COA8: variants seen among roughly 807,000 people sequenced by gnomAD.
COA8 encodes cytochrome c oxidase assembly factor 8, also known as UPF0671 protein C14orf153.
A neutral mutation model predicts 22.0 loss-of-function variants in COA8; 20 were observed. The observed-to-expected ratio is 0.91, with a 90% confidence interval of 0.64 to 1.32. The LOEUF (loss-of-function observed/expected upper bound fraction) is 1.32, where lower values mean the gene tolerates loss of function less well. Ranked by LOEUF, COA8 falls within the 40% of genes most tolerant of loss-of-function variation. The pLI is 0.00. For synonymous variants in COA8, 105 were observed against 79.9 expected (o/e 1.31, Z -1.68); for missense variants, 266 against 230.0 (o/e 1.16, Z -1.01).
chr14:103,580,239 G>A (rs1190993904), intron 3 of COA8, among the ~76,000 whole-genome samples: 4 of 151,660 alleles, frequency 2.6e-5, no homozygotes, highest in African/African-American at 9.7e-5. Context: ...ACCATGCCTC[G>A]CTAATTTAAA....
At chr14:103,583,917 C>T (rs563971282) in intron 3 of COA8, among the ~76,000 whole-genome samples, 53 of 152,186 alleles carry the variant, frequency 3.5e-4, no homozygotes, top group Non-Finnish European at 6.5e-4. Context: ...TTACTCTTAG[C>T]GGTTTATTAT....
At chr14:103,582,577 G>A (rs1377370684) in intron 3 of COA8, among the ~76,000 whole-genome samples, 1 of 152,182 alleles carries the variant, frequency 6.6e-6, no homozygotes, top group African/African-American at 2.4e-5. Flanking sequence ...TGTAGCGGTG[G>A]CTCCCAGTTC....
chr14:103,577,793 G>C (rs998093262), intron 3 of COA8, among the ~76,000 whole-genome samples: 1 of 152,096 alleles, frequency 6.6e-6, no homozygotes, highest in Non-Finnish European at 1.5e-5. Flanking sequence ...GGGAGGCTGA[G>C]GCAGGCGGAT....
chr14:103,568,372 A>G (rs2076150849), intron 1 of COA8, among the ~76,000 whole-genome samples: 1 of 152,126 alleles, frequency 6.6e-6, no homozygotes, highest in African/African-American at 2.4e-5. Flanking sequence ...GCCAGCATGG[A>G]GAAGCCTGGT....
At position 103,581,420 on chromosome 14, in the gene COA8, C is replaced by T. The variant is rs10149249; in HGVS notation, c.386-5854C>T. 120,123 of 390,380 alleles carry T rather than the reference C, an allele frequency of 0.31. 19,667 individuals carry two copies. The highest frequency in any genetic ancestry group is 0.39 in the Middle Eastern group (597 of 1,542). The allele number at this position is 390,380 out of a possible 1,614,324, so 24.2% of individuals were successfully genotyped here. On this transcript the variant is annotated intron_variant, in intron 3 of 4. Transcript: ENST00000409074. This position sits in a 1 kb window ranked among gnomAD's most constrained non-coding sequence, Gnocchi z 4.1. ...GTAACTAACGAGTGGGGCGCGTCTACACTGTGGAGGTGCTGGACAGAGGGA... is the reference window on the plus strand; with the variant it reads ...GTAACTAACGAGTGGGGCGCGTCTATACTGTGGAGGTGCTGGACAGAGGGA...
At chr14:103,587,245 T>G in intron 3 of COA8, 29 bp from the exon 4 acceptor site, 1 of 1,591,958 alleles carries the variant, frequency 6.3e-7, no homozygotes, top group Non-Finnish European at 8.6e-7. Context: ...TCCTTAAGTC[T>G]TAATGTTTAA....
At chr14:103,566,607 T>C (rs573382735) in intron 1 of COA8, among the ~76,000 whole-genome samples, 4 of 152,352 alleles carry the variant, frequency 2.6e-5, no homozygotes, top group South Asian at 2.1e-4. Flanking sequence ...GAAATGAATG[T>C]GTGTGCCTCT....
Position 103,582,185 on chromosome 14 carries a change from C to T in COA8, c.386-5089C>T, listed in dbSNP as rs184272218. ...CTTACAAGAGACCTCACTTCCTGTT[C>T]GGGGACTGGGGCTGCTAAGTCAGAG... is the stretch of plus-strand genomic sequence containing the variant. On this transcript the variant is annotated intron_variant, in intron 3 of 4. Transcript: ENST00000409074. Among the ~76,000 whole-genome samples the T allele has an allele frequency of 1.5e-4, 23 of 152,266 alleles. No homozygotes were observed. The East Asian group carries it at 3.3e-3, about 22-fold the overall frequency.
In COA8 at chr14:103,571,816, G is replaced by C; in HGVS notation, c.317G>C (p.Ser106Thr). The stretch of plus-strand genomic sequence containing the variant: ...TGGGCAAACCAGAATTTGACTTTTA[G>C]TAAGGTAAGTTTAAGTTTTAGATCA... ...QFWANQNLTFSKEKEEFIHSR... is the reference protein window; with the variant it reads ...QFWANQNLTFTKEKEEFIHSR... Residue 106 changes from serine to threonine, a missense_variant, in exon 2 of 5, where the codon AGT becomes ACT. Coordinates refer to ENST00000409074, the MANE Select transcript of COA8 (RefSeq NM_001370595.2). 1 of 1,613,572 alleles carries C rather than the reference G, an allele frequency of 6.2e-7. No homozygotes were observed.
chr14:103,587,508 CTTTTT>C (rs368240107), intron 4 of COA8, 144 bp downstream of exon 4: 77 of 308,630 alleles, frequency 2.5e-4, no homozygotes, highest in Middle Eastern at 1.1e-3. Context: ...TTCTTTTTTT[CTTTTT>C]TTTTTTTTTT....
chr14:103,583,239 CTGAGT>C (rs1191547943), intron 3 of COA8, among the ~76,000 whole-genome samples: 1 of 152,028 alleles, frequency 6.6e-6, no homozygotes, highest in Non-Finnish European at 1.5e-5. Context: ...AGGTGAACTG[CTGAGT>C]TAAGAGTCTT....
rs1230287072 is a variant in COA8 at position 103,571,819 on chromosome 14, AG to A, written c.321+1del. The A allele has an allele frequency of 6.2e-7, 1 of 1,613,432 alleles. No individual in the cohort carries two copies. Among genetic ancestry groups the A allele is most frequent in the South Asian group, 1.1e-5 (1 of 91,054 alleles). ...FWANQNLTFSKEKEEFIHSRL... is the reference protein window; with the variant it reads ...FWANQNLTFSXEKEEFIHSRL... Reference sequence around the variant, plus strand: ...GCAAACCAGAATTTGACTTTTAGTAAGGTAAGTTTAAGTTTTAGATCAGAAC... The same window carrying A: ...GCAAACCAGAATTTGACTTTTAGTAAGTAAGTTTAAGTTTTAGATCAGAAC... On this transcript the variant is annotated frameshift_variant and splice_region_variant, in exon 2 of 5. Coordinates refer to ENST00000409074, the MANE Select transcript of COA8 (RefSeq NM_001370595.2). LOFTEE classifies it high-confidence loss of function.
In COA8 at chr14:103,587,321, G is replaced by A. The variant is rs562472810; in HGVS notation, c.433G>A (p.Glu145Lys). 109 of 1,613,194 alleles carry A rather than the reference G, an allele frequency of 6.8e-5. 2 individuals are homozygous for A. In the Middle Eastern group the frequency reaches 8.3e-4, roughly 12 times the overall value. Residue 145 changes from glutamate (E) to lysine (K), a missense_variant, in exon 4 of 5, where the codon GAA becomes AAA. Physicochemically the swap from Glu to Lys is moderately conservative, Grantham distance 56. Transcript: ENST00000409074. ...AGAAGAAATGGCGGACTTCTACAAG[G>A]AATTTTTAAGTAAAAATTTTCAGAA... ...NAEEMADFYK[E>K]FLSKNFQKHM...
chr14:103,583,277 C>T (rs975359916), intron 3 of COA8, among the ~76,000 whole-genome samples: 2 of 152,084 alleles, frequency 1.3e-5, no homozygotes, highest in Admixed American at 6.5e-5. Flanking sequence ...CGGTGGCTCA[C>T]GCCTGTAATC....
At chr14:103,583,368 G>C (rs779561000) in intron 3 of COA8, among the ~76,000 whole-genome samples, 1 of 151,448 alleles carries the variant, frequency 6.6e-6, no homozygotes, top group Non-Finnish European at 1.5e-5. Context: ...GGTGAAACCC[G>C]ATCTCTACTA....
At chr14:103,571,994 G>T (rs1595139709) in intron 2 of COA8, among the ~76,000 whole-genome samples, 174 bp downstream of exon 2, 1 of 152,038 alleles carries the variant, frequency 6.6e-6, no homozygotes, top group African/African-American at 2.4e-5. Context: ...CGGCGTGGTG[G>T]CGGGCGCCTG....
chr14:103,589,645 G>A (rs1595152874), intron 4 of COA8, among the ~76,000 whole-genome samples: 1 of 152,200 alleles, frequency 6.6e-6, no homozygotes, highest in Non-Finnish European at 1.5e-5. Context: ...GCCGGGTGCG[G>A]TGGCTCACAC....
intron 3 of COA8, among the ~76,000 whole-genome samples, chr14:103,582,057 G>A (rs564025038): frequency 4.6e-5 from 7 of 152,292 alleles, no homozygotes; most frequent in East Asian, 1.9e-4. Context: ...GCAGTCTGCC[G>A]GGGAGGCTAG....
In COA8 at chr14:103,590,469, T is replaced by A; in HGVS notation, c.*183T>A. The A allele has an allele frequency of 1.7e-6, 1 of 577,920 alleles. No individual in the cohort carries two copies. The highest frequency in any genetic ancestry group is 3.1e-6 in the Non-Finnish European group (1 of 326,950). The allele number at this position is 577,920 out of a possible 1,614,324, so 35.8% of individuals were successfully genotyped here. A position where few individuals can be genotyped will look rare whatever the true frequency, so the allele number is the denominator to read the frequency against. On this transcript the variant is annotated 3_prime_UTR_variant, in exon 5 of 5. Coordinates refer to ENST00000409074, the MANE Select transcript of COA8 (RefSeq NM_001370595.2). ...ACTGTGGGCCGCCTGCCTGCTGATG[T>A]GGGCTCTAGGCCAGCTTGTTGTCAC...
Sources: gnomAD v4.1 joint callset for allele counts (sites outside exome capture counted in the v4.1 genomes callset) on GRCh38, gnomAD v4.1.1 for gene constraint, Gnocchi (gnomAD v3.1) non-coding constraint, MANE v1.5 for transcripts, NCBI Gene and HGNC (gene_info 2026-07-23, HGNC 2026-07-21) for gene names.